Variants in SIPA1L2 observed in about 807,000 individuals in gnomAD.
SIPA1L2 encodes the protein signal induced proliferation associated 1 like 2, also known as signal-induced proliferation-associated 1-like protein 2.
SIPA1L2 carries 56 observed loss-of-function variants against 163.9 expected under a neutral mutation model. That is an observed-to-expected ratio of 0.34 (90% CI 0.28 to 0.43). SIPA1L2 has a LOEUF of 0.43. Among genes scored for constraint, SIPA1L2 ranks in the 20% least tolerant of loss-of-function variants. The probability of loss-of-function intolerance (pLI) is 1.00; values close to 1 mark genes in which losing one functional copy is unlikely to be tolerated. For synonymous variants in SIPA1L2, 877 were observed against 865.7 expected (o/e 1.01, Z -0.23); for missense variants, 1,974 against 2,193.5 (o/e 0.90, Z 2.00).
intron 18 of SIPA1L2, among the ~76,000 whole-genome samples, chr1:232,422,156 A>G (rs546533657): frequency 1.3e-5 from 2 of 152,238 alleles, no homozygotes; most frequent in African/African-American, 4.8e-5. Context: ...TCTGCAATCT[A>G]CCAATGACAA....
intron 7 of SIPA1L2, among the ~76,000 whole-genome samples, chr1:232,478,106 T>C (rs1257891350): frequency 6.6e-6 from 1 of 152,228 alleles, no homozygotes; most frequent in African/African-American, 2.4e-5. Context: ...GTGAATCTGC[T>C]CGGCATTATT....
chr1:232,578,945 G>A (rs911840360), intron 1 of SIPA1L2, among the ~76,000 whole-genome samples: 10 of 152,178 alleles, frequency 6.6e-5, no homozygotes, highest in African/African-American at 1.9e-4. Flanking sequence ...AAAGAAATGA[G>A]CTTTCAGCAG....
chr1:232,475,820 T>C (rs1255207158), intron 7 of SIPA1L2, among the ~76,000 whole-genome samples: 2 of 152,256 alleles, frequency 1.3e-5, no homozygotes, highest in South Asian at 4.1e-4. Context: ...AGATCTTTAA[T>C]GACTTCATAA....
chr1:232,599,180 G>T (rs1661451564), intron 1 of SIPA1L2, among the ~76,000 whole-genome samples: 1 of 152,078 alleles, frequency 6.6e-6, no homozygotes, highest in African/African-American at 2.4e-5. Flanking sequence ...TGAGGGCAGG[G>T]GTTCTGGATT....
chr1:232,543,672 C>G (rs1657831480), intron 2 of SIPA1L2, among the ~76,000 whole-genome samples: 1 of 152,160 alleles, frequency 6.6e-6, no homozygotes, highest in Non-Finnish European at 1.5e-5. Flanking sequence ...AGTTGAAGCC[C>G]AGCCTAGGCA....
intron 19 of SIPA1L2, among the ~76,000 whole-genome samples, chr1:232,414,932 GC>G (rs1230136636): frequency 6.6e-6 from 1 of 152,198 alleles, no homozygotes; most frequent in African/African-American, 2.4e-5. Context: ...CAGTGTGGCA[GC>G]TGGATGGCTC....
chr1:232,547,217 C>A (rs1371337587), intron 2 of SIPA1L2, among the ~76,000 whole-genome samples: 1 of 152,190 alleles, frequency 6.6e-6, no homozygotes, highest in Non-Finnish European at 1.5e-5. Context: ...AAAACTAACT[C>A]TTGCCCCCTA....
rs538915613 is a variant in SIPA1L2 at position 232,515,532 on chromosome 1, G to A, written c.-193C>T. ...AAAGCCAACTTGCTTCTCTGTTGTC[G>A]TAATAATGTTGTACGCCTCTGTTCT... On this transcript the variant is annotated 5_prime_UTR_variant, in exon 3 of 23. It adds an upstream start codon to the 5' untranslated region. Transcript: ENST00000674635. 10 of 576,772 alleles carry A rather than the reference G, an allele frequency of 1.7e-5. No individual in the cohort carries two copies. The East Asian group carries it at 1.7e-4, about 10-fold the overall frequency. The allele number at this position is 576,772 out of a possible 1,614,324, so 35.7% of individuals were successfully genotyped here.
intron 2 of SIPA1L2, among the ~76,000 whole-genome samples, chr1:232,535,752 T>A (rs1657265488): frequency 6.6e-6 from 1 of 152,230 alleles, no homozygotes; most frequent in Non-Finnish European, 1.5e-5. Context: ...CTGTACTCTA[T>A]CATTGATGTC....
chr1:232,514,250 C>A lies in SIPA1L2; in HGVS notation c.1090G>T (p.Ala364Ser). ...RKNITTGASA[A>S]SQTQMPTGQT... is the part of the protein sequence containing the mutation. The stretch of plus-strand genomic sequence containing the variant: ...CCCGTAGGCATCTGAGTCTGGGATG[C>A]TGCAGATGCCCCAGTGGTTATGTTT... The change falls in exon 3 of 23, where the codon GCA (alanine) becomes TCA (serine). Residue 364 changes from alanine (A) to serine (S), a missense_variant. By Grantham distance (99) the Ala-to-Ser change is moderately conservative. Transcript: ENST00000674635. 1 of 1,614,194 alleles carries A rather than the reference C, an allele frequency of 6.2e-7. No homozygotes were observed. Among genetic ancestry groups the A allele is most frequent in the East Asian group, 2.2e-5 (1 of 44,882 alleles).
intron 1 of SIPA1L2, among the ~76,000 whole-genome samples, chr1:232,601,739 T>A (rs951489044): frequency 3.3e-5 from 5 of 152,204 alleles, no homozygotes; most frequent in Admixed American, 2.6e-4. Context: ...TACAGAAATG[T>A]CAAAGGTAAC....
chr1:232,474,769 CGAGAGGAAAAAACTCAAAAAGCAAACT>C (rs1176404566), intron 7 of SIPA1L2, among the ~76,000 whole-genome samples: 1 of 151,468 alleles, frequency 6.6e-6, no homozygotes, highest in Non-Finnish European at 1.5e-5. Context: ...AAAATTTTAA[CGAGAGGAAAAAACTCAAAAAGCAAACT>C]GAGAAGAAAA....
At chr1:232,553,907 G>A (rs1390067764) in intron 2 of SIPA1L2, among the ~76,000 whole-genome samples, 1 of 152,062 alleles carries the variant, frequency 6.6e-6, no homozygotes, top group African/African-American at 2.4e-5. Flanking sequence ...TCAACACAAT[G>A]AAAATTCTGA....
intron 1 of SIPA1L2, among the ~76,000 whole-genome samples, chr1:232,604,143 C>G (rs184216766): frequency 1.3e-5 from 2 of 152,226 alleles, no homozygotes; most frequent in South Asian, 2.1e-4. Context: ...GATTCCAGCA[C>G]GTGGTAAAGC....
chr1:232,566,008 G>T (rs1659382030), intron 2 of SIPA1L2, among the ~76,000 whole-genome samples: 1 of 152,162 alleles, frequency 6.6e-6, no homozygotes, highest in Non-Finnish European at 1.5e-5. Flanking sequence ...CTTTCAAGTT[G>T]CCCTTACACT....
intron 2 of SIPA1L2, among the ~76,000 whole-genome samples, chr1:232,571,813 C>T (rs1216424880): frequency 6.6e-6 from 1 of 152,236 alleles, no homozygotes. Flanking sequence ...CTGGCTTCCG[C>T]TTCAACTTCT....
chr1:232,601,189 C>T lies in SIPA1L2; in HGVS notation c.-318-26967G>A, dbSNP rs144928579. Among the ~76,000 whole-genome samples, 464 of 152,318 alleles carry T rather than the reference C, an allele frequency of 3.0e-3. 7 individuals are homozygous for T. Among genetic ancestry groups the T allele is most frequent in the African/African-American group, 0.011 (452 of 41,574 alleles). On this transcript the variant is annotated intron_variant, in intron 1 of 22. Transcript: ENST00000674635. ...GCAAGATGAAGACTGCCTCATCCTACAGTTGCAGTAGTCCAACAGAGACAT... is the reference window on the plus strand; with the variant it reads ...GCAAGATGAAGACTGCCTCATCCTATAGTTGCAGTAGTCCAACAGAGACAT...
chr1:232,425,598 T>A lies in SIPA1L2; in HGVS notation c.4621A>T (p.Ser1541Cys), dbSNP rs1174783088. The stretch of plus-strand genomic sequence containing the variant: ...CCAGCCCCTCACTTACTTCTCAGGC[T>A]CCCCATGCTGGGTGCGGGGTGGGCC... ...PRAHPAPSMG[S>C]LRNEFWFSDG... is the part of the protein sequence containing the mutation. Residue 1541 changes from serine (S) to cysteine (C), a missense_variant, in exon 18 of 23, where the codon AGC becomes TGC. By Grantham distance (112) the Ser-to-Cys change is moderately radical. This residue lies in a region of SIPA1L2 where 1,079 missense variants were observed against 1,150.7 expected (regional missense o/e 0.94). Transcript: ENST00000674635. 4 of 1,583,084 alleles carry A rather than the reference T, an allele frequency of 2.5e-6. No homozygotes were observed. Among genetic ancestry groups the A allele is most frequent in the Non-Finnish European group, 3.4e-6 (4 of 1,161,292 alleles).
At chr1:232,563,636 T>C (rs373247727) in intron 2 of SIPA1L2, among the ~76,000 whole-genome samples, 206 of 152,318 alleles carry the variant, frequency 1.4e-3, no homozygotes, top group African/African-American at 4.7e-3. Context: ...AAAATACAGA[T>C]GTTGGAAATT....
Sources: allele counts gnomAD v4.1 joint callset (sites outside exome capture counted in the v4.1 genomes callset), GRCh38; gene constraint gnomAD v4.1.1; regional missense constraint gnomAD v4.1.1; transcripts MANE v1.5; gene names NCBI Gene and HGNC (gene_info 2026-07-23, HGNC 2026-07-21).